The following LNX2 variants were observed in gnomAD, a reference collection of about 807,000 sequenced individuals.
The protein encoded by LNX2 is ligand of Numb protein X 2.
A neutral mutation model predicts 66.2 loss-of-function variants in LNX2; 35 were observed. The ratio of observed to expected loss-of-function variants is 0.53; its 90% CI spans 0.40 to 0.70. LNX2 has a LOEUF of 0.70. Ranked by LOEUF, LNX2 falls within the 30% of genes least tolerant of loss-of-function variation. LNX2 has a pLI of 0.00. For synonymous variants in LNX2, 337 were observed against 315.6 expected (o/e 1.07, Z -0.72); for missense variants, 791 against 850.8 (o/e 0.93, Z 0.87).
intron 2 of LNX2, among the ~76,000 whole-genome samples, chr13:27,579,168 T>C (rs1696469154): frequency 1.3e-5 from 2 of 152,206 alleles, no homozygotes. Flanking sequence ...ACAAATGAAC[T>C]ATATTATTTA....
chr13:27,562,720 G>A lies in LNX2; in HGVS notation c.917C>T (p.Pro306Leu), dbSNP rs761262974. 1.9e-6 allele frequency: 3 copies of A among 1,614,076 alleles called. No homozygotes were observed. Among genetic ancestry groups the A allele is most frequent in the Non-Finnish European group, 2.5e-6 (3 of 1,179,990 alleles). ...HNYARAVLSQ[P>L]CNTLHLTVLR... The stretch of plus-strand genomic sequence containing the variant: ...CACAGTAAGATGCAGTGTGTTGCAG[G>A]GCTGGGAAAGGACAGCTCGGGCATA... Residue 306 changes from proline to leucine, a missense_variant, in exon 5 of 10, where the codon CCC becomes CTC. Physicochemically the swap from Pro to Leu is moderately conservative, Grantham distance 98 (BLOSUM62 -3). Coordinates refer to ENST00000316334, the MANE Select transcript of LNX2 (RefSeq NM_153371.4).
chr13:27,611,048 G>T (rs151099482), intron 1 of LNX2, among the ~76,000 whole-genome samples: 7 of 152,292 alleles, frequency 4.6e-5, no homozygotes, highest in African/African-American at 1.7e-4. Flanking sequence ...ATGAAAAACC[G>T]TATGGAGGTT....
chr13:27,568,366 GA>G (rs1158835151), intron 3 of LNX2, among the ~76,000 whole-genome samples: 1 of 152,126 alleles, frequency 6.6e-6, no homozygotes, highest in East Asian at 1.9e-4. Context: ...TTTTTAAAAG[GA>G]AATATCAAGG....
At chr13:27,583,215 T>TGCGCGC (rs1449791231) in intron 1 of LNX2, among the ~76,000 whole-genome samples, 2 of 23,004 alleles carry the variant, frequency 8.7e-5, no homozygotes, top group Admixed American at 4.3e-4. Context: ...TGTGTGTGTG[T>TGCGCGC]GTGTGTGTGT....
intron 5 of LNX2, among the ~76,000 whole-genome samples, chr13:27,560,263 C>A (rs998305589): frequency 2.0e-5 from 3 of 152,150 alleles, no homozygotes; most frequent in Admixed American, 6.5e-5. Context: ...ACTGCCTGGG[C>A]TCTTATTGCC....
chr13:27,609,238 C>T (rs1050314109), intron 1 of LNX2, among the ~76,000 whole-genome samples: 5 of 151,654 alleles, frequency 3.3e-5, no homozygotes, highest in African/African-American at 4.9e-5. Context: ...CTGCAATCTC[C>T]GCCTCCCGGA....
At chr13:27,568,195 A>G (rs1302320343) in intron 3 of LNX2, among the ~76,000 whole-genome samples, 1 of 152,230 alleles carries the variant, frequency 6.6e-6, no homozygotes, top group Non-Finnish European at 1.5e-5. Context: ...CAAAGGAAAC[A>G]CTAGCTCTGT....
chr13:27,548,610 C>G (rs553804820), intron 9 of LNX2, 140 bp from the exon 10 acceptor site: 2 of 935,762 alleles, frequency 2.1e-6, no homozygotes, highest in East Asian at 2.7e-5. Context: ...TCTACTTTGT[C>G]TGGGACAGCC....
At chr13:27,598,893 T>C (rs538495613) in intron 1 of LNX2, among the ~76,000 whole-genome samples, 1 of 152,262 alleles carries the variant, frequency 6.6e-6, no homozygotes, top group Non-Finnish European at 1.5e-5. Flanking sequence ...GAAGTTACCC[T>C]CTATTGTTAA....
chr13:27,553,268 C>G lies in LNX2; in HGVS notation c.1718G>C (p.Ser573Thr), dbSNP rs575021838. The change falls in exon 8 of 10, where the codon AGC (serine) becomes ACC (threonine). Residue 573 changes from serine to threonine, a missense_variant. Transcript: ENST00000316334. ...QNAEEQPSTF[S>T]ENEYDASWSP... ...CCAACTGGCATCATACTCATTTTCG[C>G]TGAAAGTACTCGGCTGCTCCTCCGC... 1 of 1,614,182 alleles carries G rather than the reference C, an allele frequency of 6.2e-7. No homozygotes were observed. Among genetic ancestry groups the G allele is most frequent in the Admixed American group, 1.7e-5 (1 of 60,024 alleles).
In LNX2 at chr13:27,560,565, G is replaced by GTATA. The variant is rs71083675; in HGVS notation, c.1225-584_1225-581dup. ...ATAACAAGACTTTATATGTATGTGT[G>GTATA]TATATATATATATATATATAGCATA... On this transcript the variant is annotated intron_variant, in intron 5 of 9. Transcript: ENST00000316334. Among the ~76,000 whole-genome samples the GTATA allele has an allele frequency of 6.3e-3, 756 of 119,996 alleles. 36 individuals are homozygous for GTATA. Among genetic ancestry groups the GTATA allele is most frequent in the African/African-American group, 0.023 (684 of 30,022 alleles). The allele number at this position is 119,996 out of a possible 152,430, so 78.7% of individuals were successfully genotyped here. A position where few individuals can be genotyped will look rare whatever the true frequency, so the allele number is the denominator to read the frequency against.
In LNX2 at chr13:27,559,889, G is replaced by C; in HGVS notation, c.1321C>G (p.Gln441Glu). 1.2e-6 allele frequency: 2 copies of C among 1,611,208 alleles called. No individual in the cohort carries two copies. The highest frequency in any genetic ancestry group is 2.2e-5 in the South Asian group (2 of 90,908). ...REAGNHSSSS[Q>E]HHTPPPYYSR... ...TAATACGGTGGTGGTGTGTGGTGCTGGCTGCTGCTGCTATGATTTCCTGCT... is the reference window on the plus strand; with the variant it reads ...TAATACGGTGGTGGTGTGTGGTGCTCGCTGCTGCTGCTATGATTTCCTGCT... Residue 441 changes from glutamine to glutamate, a missense_variant, in exon 6 of 10, where the codon CAG becomes GAG. Transcript: ENST00000316334.
At chr13:27,615,019 C>T (rs1435559246) in intron 1 of LNX2, among the ~76,000 whole-genome samples, 2 of 152,126 alleles carry the variant, frequency 1.3e-5, no homozygotes, top group Non-Finnish European at 2.9e-5. Context: ...CCCCGACACC[C>T]CAGTACACAA....
chr13:27,598,090 A>G (rs1316975376), intron 1 of LNX2, among the ~76,000 whole-genome samples: 1 of 152,094 alleles, frequency 6.6e-6, no homozygotes, highest in Non-Finnish European at 1.5e-5. Context: ...CTGCTTTGAA[A>G]AACTGGGGCA....
At chr13:27,569,467 A>T (rs1352091088) in intron 2 of LNX2, among the ~76,000 whole-genome samples, 191 bp from the exon 3 acceptor site, 2 of 152,190 alleles carry the variant, frequency 1.3e-5, no homozygotes, top group East Asian at 3.8e-4. Flanking sequence ...ATAATCAAGA[A>T]CAGAAGGATT....
In LNX2 at chr13:27,548,474, G is replaced by A. The variant is rs200849059; in HGVS notation, c.1938-4C>T. ...GGCCACAATCATGTCACCACACCTG[G>A]ACAAAGAGAGACAGATACAGAATGT... On this transcript the variant is annotated splice_region_variant and splice_polypyrimidine_tract_variant and intron_variant, in intron 9 of 9. Coordinates refer to ENST00000316334, the MANE Select transcript of LNX2 (RefSeq NM_153371.4). The A allele has an allele frequency of 5.4e-5, 87 of 1,607,334 alleles. No individual in the cohort carries two copies. Among genetic ancestry groups the A allele is most frequent in the Non-Finnish European group, 6.9e-5 (81 of 1,177,930 alleles).
At chr13:27,557,179 C>T (rs2138327471) in intron 6 of LNX2, among the ~76,000 whole-genome samples, 1 of 152,046 alleles carries the variant, frequency 6.6e-6, no homozygotes, top group African/African-American at 2.4e-5. Context: ...TAATAATTAA[C>T]ATTTGGGCTT....
intron 8 of LNX2, 78 bp from the exon 9 acceptor site, chr13:27,550,569 C>T: frequency 9.6e-7 from 1 of 1,045,226 alleles, no homozygotes; most frequent in South Asian, 1.6e-5. Context: ...TAACCCCATA[C>T]CATGTTATAT....
rs1947041727 is a variant in LNX2, at chr13:27,562,423, T to C, written c.1214A>G (p.Gln405Arg). 2.5e-6 allele frequency: 4 copies of C among 1,613,004 alleles called. No homozygotes were observed. In the African/African-American group the frequency reaches 4.0e-5, roughly 16 times the overall value. ...GCCAAGAGGGTTTACCTGAATAATC[T>C]GGGCAGCAAGCTCCGGAGTTCCATA... The part of the protein sequence containing the change: ...LKYGTPELAA[Q>R]IIQASGERVN... The change falls in exon 5 of 10, where the codon CAG becomes CGG. Residue 405 changes from glutamine (Q) to arginine (R), a missense_variant. Gln to Arg is a conservative substitution (Grantham distance 43). Transcript: ENST00000316334.
Sources: allele counts gnomAD v4.1 joint callset (sites outside exome capture counted in the v4.1 genomes callset), GRCh38; gene constraint gnomAD v4.1.1; transcripts MANE v1.5; gene names NCBI Gene and HGNC (gene_info 2026-07-23, HGNC 2026-07-21).